PDE4D: variants seen among roughly 807,000 people sequenced by gnomAD.
The protein encoded by PDE4D is phosphodiesterase 4D.
PDE4D carries 24 observed loss-of-function variants against 87.4 expected under a neutral mutation model. The ratio of observed to expected loss-of-function variants is 0.27; its 90% confidence interval spans 0.20 to 0.39. PDE4D has a LOEUF of 0.39. PDE4D is among the 10% of genes least tolerant of loss of function. The pLI, the probability that PDE4D is intolerant of heterozygous loss-of-function variation, is 1.00. For synonymous variants in PDE4D, 384 were observed against 383.2 expected (o/e 1.00, Z -0.02); for missense variants, 714 against 1,041.0 (o/e 0.69, Z 4.32).
intron 1 of PDE4D, among the ~76,000 whole-genome samples, chr5:59,681,134 T>C (rs1748927054): frequency 6.6e-6 from 1 of 152,108 alleles, no homozygotes; most frequent in Non-Finnish European, 1.5e-5. Flanking sequence ...ATTCCAAGGC[T>C]TGGATAAAAG....
chr5:59,137,378 AATC>A (rs1453798539), intron 5 of PDE4D, among the ~76,000 whole-genome samples: 1 of 152,222 alleles, frequency 6.6e-6, no homozygotes, highest in African/African-American at 2.4e-5. Context: ...GGGGGCTAGA[AATC>A]ATAAATCTAA....
chr5:60,010,082 G>T (rs1328476104), intron 2 of PDE4D, among the ~76,000 whole-genome samples: 1 of 152,136 alleles, frequency 6.6e-6, no homozygotes, highest in African/African-American at 2.4e-5. Context: ...AGAACTAAAA[G>T]AAATACAATT....
At chr5:59,193,088 C>A (rs1744696953) in intron 3 of PDE4D, among the ~76,000 whole-genome samples, 1 of 152,174 alleles carries the variant, frequency 6.6e-6, no homozygotes, top group Admixed American at 6.5e-5. Flanking sequence ...TCAGCTAAAT[C>A]TCTGCACAAA....
At chr5:60,219,727 C>G (rs1359357208) in intron 1 of PDE4D, among the ~76,000 whole-genome samples, 1 of 152,096 alleles carries the variant, frequency 6.6e-6, no homozygotes, top group East Asian at 1.9e-4. Flanking sequence ...TAAACTAAGG[C>G]CGGGACCTTA....
At chr5:59,717,737 C>G (rs547881334) in intron 1 of PDE4D, among the ~76,000 whole-genome samples, 59 of 152,312 alleles carry the variant, frequency 3.9e-4, no homozygotes, top group South Asian at 8.3e-4. Flanking sequence ...CTAGCACAGA[C>G]AAGCCCTTGA....
chr5:59,114,944 A>G (rs1580870395), intron 5 of PDE4D, among the ~76,000 whole-genome samples: 2 of 152,238 alleles, frequency 1.3e-5, no homozygotes, highest in African/African-American at 4.8e-5. Context: ...TGCGAAAATC[A>G]ATAGAGATAT....
intron 1 of PDE4D, among the ~76,000 whole-genome samples, chr5:59,525,042 A>C (rs1449520529): frequency 6.6e-6 from 1 of 152,186 alleles, no homozygotes; most frequent in East Asian, 1.9e-4. Flanking sequence ...GTGGGGTGCA[A>C]GCTCCCACAC....
At chr5:59,695,245 T>C (rs909714832) in intron 1 of PDE4D, among the ~76,000 whole-genome samples, 15 of 151,330 alleles carry the variant, frequency 9.9e-5, no homozygotes, top group Non-Finnish European at 1.8e-4. Context: ...CCAGTGTGAG[T>C]CTTCTGCCAA....
At chr5:59,176,021 G>A (rs1581204997) in intron 5 of PDE4D, among the ~76,000 whole-genome samples, 2 of 151,990 alleles carry the variant, frequency 1.3e-5, no homozygotes, top group African/African-American at 4.8e-5. Flanking sequence ...AGGAAATGAA[G>A]CAAAAAGGAG....
At chr5:60,344,036 G>C (rs1277970701) in intron 1 of PDE4D, among the ~76,000 whole-genome samples, 2 of 151,404 alleles carry the variant, frequency 1.3e-5, no homozygotes, top group Non-Finnish European at 2.9e-5. Context: ...AGTTTGTCCA[G>C]GATTACAGAG....
chr5:59,797,054 A>G (rs1221470171), intron 1 of PDE4D: 6 of 151,848 alleles, frequency 4.0e-5, no homozygotes, highest in Non-Finnish European at 8.8e-5. Flanking sequence ...TCCTTGTCAT[A>G]TATACCTGAG....
At chr5:60,092,303 G>A (rs1775222214) in intron 2 of PDE4D, among the ~76,000 whole-genome samples, 1 of 152,104 alleles carries the variant, frequency 6.6e-6, no homozygotes, top group Admixed American at 6.5e-5. Context: ...GGGAAGCAGG[G>A]AGGAGATGAA....
chr5:59,787,494 T>G (rs1225802373), intron 1 of PDE4D, among the ~76,000 whole-genome samples: 1 of 152,202 alleles, frequency 6.6e-6, no homozygotes, highest in Non-Finnish European at 1.5e-5. Flanking sequence ...CCCATACACA[T>G]GGGTAGGTCT....
At chr5:59,248,042 T>TA (rs70975306) in intron 1 of PDE4D, among the ~76,000 whole-genome samples, 5,606 of 37,450 alleles carry the variant, frequency 0.15, 948 homozygotes, top group Non-Finnish European at 0.18. Context: ...TATCTATTAG[T>TA]AAAAAAAAAA....
intron 1 of PDE4D, among the ~76,000 whole-genome samples, chr5:60,229,425 G>A (rs998321665): frequency 2.6e-5 from 4 of 152,056 alleles, no homozygotes; most frequent in Non-Finnish European, 5.9e-5. Flanking sequence ...CCTGAGATTA[G>A]CCTAAGATGC....
rs1760972593 is a variant in PDE4D at position 59,973,264 on chromosome 5, G to A, written c.272+15224C>T. ...TTTTCATTAATAGAAATCAATGTGA[G>A]AAAAATAAAAAACCACAATTTTGTA... On this transcript the variant is annotated intron_variant, in intron 3 of 16. Transcript: ENST00000502484. Among the ~76,000 whole-genome samples the A allele has an allele frequency of 2.0e-5, 3 of 151,926 alleles. No homozygotes were observed. In the South Asian group the frequency reaches 6.2e-4, roughly 32 times the overall value.
intron 1 of PDE4D, among the ~76,000 whole-genome samples, chr5:59,317,348 G>A (rs573042534): frequency 3.1e-4 from 47 of 152,206 alleles, no homozygotes; most frequent in African/African-American, 1.1e-3. Context: ...CTCAGTGGGA[G>A]GGAGGCCAGT....
intron 2 of PDE4D, among the ~76,000 whole-genome samples, chr5:59,205,945 C>T (rs536957973): frequency 2.6e-4 from 40 of 152,244 alleles, no homozygotes; most frequent in Non-Finnish European, 4.0e-4. Context: ...CAACCTTCCA[C>T]ATTTGTTGAG....
intron 1 of PDE4D, among the ~76,000 whole-genome samples, chr5:59,425,999 G>C (rs542790417): frequency 5.6e-4 from 85 of 152,196 alleles, no homozygotes; most frequent in Middle Eastern, 3.4e-3. Flanking sequence ...ATTTAAATAA[G>C]CCTTTAGGGT....
Sources: gnomAD v4.1 joint callset for allele counts (sites outside exome capture counted in the v4.1 genomes callset) on GRCh38, gnomAD v4.1.1 for gene constraint, MANE v1.5 for transcripts, NCBI Gene and HGNC (gene_info 2026-07-23, HGNC 2026-07-21) for gene names.